Variants in HEPHL1 observed in about 807,000 individuals in gnomAD.
HEPHL1 encodes the protein hephaestin like 1, also known as ferroxidase HEPHL1.
HEPHL1 carries 123 observed loss-of-function variants against 122.0 expected under a neutral mutation model. That is an observed-to-expected ratio of 1.01 (90% CI 0.87 to 1.17). The LOEUF is 1.17. Ranked by LOEUF, HEPHL1 falls within the 50% of genes most tolerant of loss-of-function variation. The probability of loss-of-function intolerance (pLI) is 0.00; values close to 1 mark genes in which losing one functional copy is unlikely to be tolerated. For missense variants in HEPHL1, 1,452 were observed against 1,430.5 expected (o/e 1.01, Z -0.24); for synonymous variants, 527 against 508.9 (o/e 1.04, Z -0.48).
rs1946278603 is a variant in HEPHL1, at chr11:94,093,486, G to A, written c.2295-15G>A. On this transcript the variant is annotated splice_polypyrimidine_tract_variant and intron_variant, in intron 12 of 19. Coordinates refer to ENST00000315765, the MANE Select transcript of HEPHL1 (RefSeq NM_001098672.2). ...CTTTCTGACAACTTTAATTTCTGAT[G>A]CTTCTGATTTGCAGACATGGAGATA... The A allele has an allele frequency of 1.9e-6, 3 of 1,612,604 alleles. No individual in the cohort carries two copies. Among genetic ancestry groups the A allele is most frequent in the Non-Finnish European group, 2.5e-6 (3 of 1,179,454 alleles).
In HEPHL1 at chr11:94,086,046, A is replaced by G. The variant is rs1437933991; in HGVS notation, c.1937A>G (p.His646Arg). The change falls in exon 11 of 20, where the codon CAT becomes CGT. Residue 646 changes from histidine (H) to arginine (R), a missense_variant. Physicochemically the swap from His to Arg is conservative, Grantham distance 29 (BLOSUM62 0). Coordinates refer to ENST00000315765, the MANE Select transcript of HEPHL1 (RefSeq NM_001098672.2). ...TGTAAAAGGGATAGAGTTTCCTGGC[A>G]TCTGATTGGATTGGGCACTGACACT... The part of the protein sequence containing the change: ...NMCKRDRVSW[H>R]LIGLGTDTDM... 4 of 1,613,910 alleles carry G rather than the reference A, an allele frequency of 2.5e-6. No individual in the cohort carries two copies. The highest frequency in any genetic ancestry group is 1.6e-4 in the Middle Eastern group (1 of 6,062).
intron 13 of HEPHL1, among the ~76,000 whole-genome samples, chr11:94,094,503 G>C (rs902599002): frequency 6.6e-6 from 1 of 152,014 alleles, no homozygotes; most frequent in African/African-American, 2.4e-5. Flanking sequence ...TAACCCTTTG[G>C]GTATATATCC....
chr11:94,087,676 A>T (rs1463978771), intron 11 of HEPHL1, among the ~76,000 whole-genome samples: 1 of 152,162 alleles, frequency 6.6e-6, no homozygotes, highest in Non-Finnish European at 1.5e-5. Context: ...CATAAAAAAT[A>T]GGCTTCCTGG....
intron 9 of HEPHL1, among the ~76,000 whole-genome samples, chr11:94,080,661 A>G (rs529418264): frequency 6.6e-6 from 1 of 152,376 alleles, no homozygotes; most frequent in South Asian, 2.1e-4. Context: ...AAAAGAAGAC[A>G]TCTATGCAGC....
intron 17 of HEPHL1, among the ~76,000 whole-genome samples, chr11:94,108,255 C>T (rs561812158): frequency 6.6e-6 from 1 of 152,106 alleles, no homozygotes; most frequent in South Asian, 2.1e-4. Flanking sequence ...AATTGGGTTA[C>T]TTGTTTCCTT....
intron 17 of HEPHL1, among the ~76,000 whole-genome samples, chr11:94,106,740 A>G (rs1182111083): frequency 6.6e-6 from 1 of 152,206 alleles, no homozygotes; most frequent in Non-Finnish European, 1.5e-5. Context: ...AACCACGGAC[A>G]CTGACAGCAT....
intron 12 of HEPHL1, 29 bp from the exon 13 acceptor site, chr11:94,093,472 C>A: frequency 1.2e-6 from 2 of 1,612,280 alleles, no homozygotes; most frequent in East Asian, 4.5e-5. Flanking sequence ...TTTCTGACAA[C>A]TTTAATTTCT....
chr11:94,096,555 C>G (rs1290304099), intron 13 of HEPHL1, among the ~76,000 whole-genome samples: 3 of 152,190 alleles, frequency 2.0e-5, no homozygotes, highest in African/African-American at 4.8e-5. Context: ...GGAGGATTCC[C>G]TCTTTTTCTA....
rs372155297 is a variant in HEPHL1 at position 94,075,394 on chromosome 11, T to C, written c.1716+9T>C. ...ATGCTGATGGGACACAGGTAGGCCA[T>C]TGAGTGTCACCAGTTCTTCTCAGGG... On this transcript the variant is annotated intron_variant, in intron 9 of 19. Transcript: ENST00000315765. The C allele has an allele frequency of 6.2e-5, 99 of 1,605,278 alleles. No individual in the cohort carries two copies. The highest frequency in any genetic ancestry group is 3.3e-4 in the Admixed American group (20 of 59,740).
chr11:94,097,979 T>C (rs2134449579), intron 13 of HEPHL1, among the ~76,000 whole-genome samples: 1 of 152,294 alleles, frequency 6.6e-6, no homozygotes, highest in South Asian at 2.1e-4. Context: ...AATTTGCCAG[T>C]CTTTGTCTTT....
intron 12 of HEPHL1, among the ~76,000 whole-genome samples, chr11:94,092,410 A>G (rs1946269054): frequency 6.6e-6 from 1 of 152,192 alleles, no homozygotes; most frequent in African/African-American, 2.4e-5. Flanking sequence ...AGGTACATGT[A>G]GAGTGGCAAA....
chr11:94,069,918 T>C (rs1276137724), intron 5 of HEPHL1, among the ~76,000 whole-genome samples: 1 of 152,162 alleles, frequency 6.6e-6, no homozygotes, highest in Non-Finnish European at 1.5e-5. Context: ...ACGAAGTGTA[T>C]GAGTATGGCT....
At chr11:94,038,213 G>A (rs1185468258) in intron 1 of HEPHL1, among the ~76,000 whole-genome samples, 5 of 151,324 alleles carry the variant, frequency 3.3e-5, no homozygotes, top group African/African-American at 1.2e-4. Flanking sequence ...AGAAATATGG[G>A]ACTATGTGAA....
Position 94,111,711 on chromosome 11 carries a change from G to C in HEPHL1, c.3297G>C (p.Gln1099His). Residue 1099 changes from glutamine to histidine, a missense_variant, in exon 20 of 20, where the codon CAG becomes CAC. Physicochemically the swap from Gln to His is conservative, Grantham distance 24 (BLOSUM62 0). Transcript: ENST00000315765. ...VPSNERPGKE[Q>H]LYFFGKNLGP... ...TCACAGAACGACCTGGCAAAGAGCA[G>C]CTCTATTTCTTTGGCAAGAATCTGG... The C allele has an allele frequency of 2.5e-6, 4 of 1,609,450 alleles. No homozygotes were observed. The highest frequency in any genetic ancestry group is 3.4e-6 in the Non-Finnish European group (4 of 1,177,554).
chr11:94,051,339 G>T (rs1945888220), intron 2 of HEPHL1, among the ~76,000 whole-genome samples: 1 of 152,038 alleles, frequency 6.6e-6, no homozygotes. Flanking sequence ...TTGAATAAAA[G>T]TCATTTTAAC....
Position 94,086,114 on chromosome 11 carries a change from C to A in HEPHL1, c.2005C>A (p.Arg669=). 6.2e-7 allele frequency: 1 copy of A among 1,613,550 alleles called. No individual in the cohort carries two copies. Among genetic ancestry groups the A allele is most frequent in the Non-Finnish European group, 8.5e-7 (1 of 1,179,806 alleles). The change falls in exon 11 of 20, where the codon CGA becomes AGA. Residue 669 remains arginine (R), a synonymous_variant. Coordinates refer to ENST00000315765, the MANE Select transcript of HEPHL1 (RefSeq NM_001098672.2). ...IVFQGNTIHL[R]GTHRDSLALF... ...TTTTCAAGGGAACACCATCCACCTA[C>A]GAGGGACTCACCGAGACTCCCTGGC...
chr11:94,059,714 T>A (rs1221685614), intron 2 of HEPHL1, among the ~76,000 whole-genome samples: 1 of 152,138 alleles, frequency 6.6e-6, no homozygotes, highest in Non-Finnish European at 1.5e-5. Flanking sequence ...TATTTATACT[T>A]TATTTTTGAT....
intron 1 of HEPHL1, among the ~76,000 whole-genome samples, chr11:94,037,392 C>T (rs1261389954): frequency 6.6e-6 from 1 of 151,982 alleles, no homozygotes; most frequent in Non-Finnish European, 1.5e-5. Context: ...CTGCCTGCCT[C>T]TGTAGGCTCC....
At chr11:94,045,983 T>G (rs1945832666) in intron 2 of HEPHL1, 66 bp downstream of exon 2, 22 of 1,489,322 alleles carry the variant, frequency 1.5e-5, no homozygotes, top group Non-Finnish European at 2.0e-5. Context: ...CTGTCAGAGT[T>G]AAAGAGATTT....
Sources: allele counts gnomAD v4.1 joint callset (sites outside exome capture counted in the v4.1 genomes callset), GRCh38; gene constraint gnomAD v4.1.1; transcripts MANE v1.5; gene names NCBI Gene and HGNC (gene_info 2026-07-23, HGNC 2026-07-21).